MRE11: variants seen among roughly 807,000 people sequenced by gnomAD.
The protein encoded by MRE11 is double-strand break repair protein MRE11.
In MRE11, 62 loss-of-function variants were observed where a neutral mutation model predicts 91.7. The ratio of observed to expected loss-of-function variants is 0.68; its 90% confidence interval spans 0.55 to 0.84. MRE11 has a LOEUF of 0.84. Ranked by LOEUF, MRE11 falls within the 40% of genes least tolerant of loss-of-function variation. The pLI, the probability that MRE11 is intolerant of heterozygous loss-of-function variation, is 0.00. For synonymous variants in MRE11, 273 were observed against 271.4 expected, an observed-to-expected ratio of 1.01 and a Z score of -0.06; for missense variants, 796 against 852.9, an observed-to-expected ratio of 0.93 and a Z score of 0.83.
upstream of MRE11, chr11:94,498,604 A>C: frequency 7.6e-7 from 1 of 1,308,988 alleles, no homozygotes; most frequent in Non-Finnish European, 1.1e-6. Flanking sequence ...CCATAATCAA[A>C]GTTGACGTCA....
chr11:94,489,030 G>C (rs1455070397), intron 3 of MRE11, among the ~76,000 whole-genome samples: 1 of 151,952 alleles, frequency 6.6e-6, no homozygotes, highest in African/African-American at 2.4e-5. Flanking sequence ...TAAGCACTAA[G>C]ATACAGCATG....
chr11:94,509,335 A>AT, the MRE11 span, among the ~76,000 whole-genome samples: 5 of 151,830 alleles, frequency 3.3e-5, no homozygotes, highest in East Asian at 5.8e-4. Flanking sequence ...TCCATTTTTA[A>AT]TTTTTTTTAC....
chr11:94,485,435 A>G (rs1947115717), intron 4 of MRE11, among the ~76,000 whole-genome samples: 1 of 152,188 alleles, frequency 6.6e-6, no homozygotes, highest in African/African-American at 2.4e-5. Flanking sequence ...TTGATTGGGA[A>G]AAAATATATG....
chr11:94,500,017 A>T, the MRE11 span, among the ~76,000 whole-genome samples: 4 of 152,152 alleles, frequency 2.6e-5, no homozygotes, highest in Non-Finnish European at 4.4e-5. Flanking sequence ...TTATGTTGTG[A>T]TCTCTTCCTA....
intron 16 of MRE11, among the ~76,000 whole-genome samples, chr11:94,442,685 G>A (rs1326177366): frequency 6.6e-6 from 1 of 152,134 alleles, no homozygotes. Context: ...TGCCTACTGT[G>A]CCAGGCTTTT....
chr11:94,507,452 T>C, the MRE11 span, among the ~76,000 whole-genome samples: 1 of 152,200 alleles, frequency 6.6e-6, no homozygotes, highest in Admixed American at 6.5e-5. Flanking sequence ...TACATGGTTT[T>C]GGTGTACATA....
At chr11:94,441,374 G>A (rs1055632591) in intron 16 of MRE11, among the ~76,000 whole-genome samples, 1 of 152,162 alleles carries the variant, frequency 6.6e-6, no homozygotes, top group East Asian at 1.9e-4. Context: ...GACTTGTGGT[G>A]CCCTACAAAC....
chr11:94,450,207 C>G (rs191282786), intron 14 of MRE11, among the ~76,000 whole-genome samples: 18 of 152,284 alleles, frequency 1.2e-4, no homozygotes, highest in Middle Eastern at 3.4e-3. Context: ...TATTGATCAG[C>G]TGACAAAAAC....
intron 19 of MRE11, among the ~76,000 whole-genome samples, chr11:94,427,323 G>C (rs1314836347): frequency 6.6e-6 from 1 of 152,072 alleles, no homozygotes; most frequent in Non-Finnish European, 1.5e-5. Context: ...CACAGAGAAA[G>C]CTTTTGATAA....
chr11:94,420,774 T>C (rs967737774), intron 19 of MRE11, among the ~76,000 whole-genome samples: 1 of 152,178 alleles, frequency 6.6e-6, no homozygotes, highest in South Asian at 2.1e-4. Context: ...GGCTCACGCC[T>C]GTAATCCCAG....
intron 9 of MRE11, among the ~76,000 whole-genome samples, chr11:94,468,730 A>G (rs1283280854): frequency 6.6e-6 from 1 of 152,224 alleles, no homozygotes; most frequent in Non-Finnish European, 1.5e-5. Flanking sequence ...CTATGTGCAT[A>G]TTCAATATGG....
At chr11:94,496,728 C>T, upstream of MRE11, 1 of 1,601,504 alleles carries the variant, frequency 6.2e-7, no homozygotes. Flanking sequence ...GATGGAATAC[C>T]AGACCAAGAG....
At chr11:94,493,872 C>T (rs1195757806), upstream of MRE11, 1 of 152,212 alleles carries the variant, frequency 6.6e-6, no homozygotes, top group Admixed American at 6.5e-5. Context: ...TCATGGATAA[C>T]GTAGATGCTT....
Position 94,417,947 on chromosome 11 carries a change from T to G in MRE11, c.*2178A>C, listed in dbSNP as rs886048749. The G allele has an allele frequency of 4.5e-4, 105 of 232,966 alleles. No homozygotes were observed. The highest frequency in any genetic ancestry group is 2.0e-3 in the African/African-American group (92 of 45,336). The allele number at this position is 232,966 out of a possible 1,614,324, so 14.4% of individuals were successfully genotyped here. ...AGGAAATAAAACACCAGAAAGACACTTATTCTTTGGTAAGTAACAGAAGAA... is the reference window on the plus strand; with the variant it reads ...AGGAAATAAAACACCAGAAAGACACGTATTCTTTGGTAAGTAACAGAAGAA... On this transcript the variant is annotated 3_prime_UTR_variant, in exon 20 of 20. Coordinates refer to ENST00000323929, the MANE Select transcript of MRE11 (RefSeq NM_005591.4).
At chr11:94,441,418 A>T (rs1945775125) in intron 16 of MRE11, among the ~76,000 whole-genome samples, 1 of 152,236 alleles carries the variant, frequency 6.6e-6, no homozygotes, top group African/African-American at 2.4e-5. Flanking sequence ...CTCTGAAGGA[A>T]GATGGCTTCA....
chr11:94,479,689 A>G lies in MRE11; in HGVS notation c.387T>C (p.His129=). The part of the protein sequence containing the change: ...SIPVFSIHGN[H]DDPTGADALC... ...CAATAATTACCCCTGTGGGATCGTC[A>G]TGATTGCCATGAATACTAAACACTG... The change falls in exon 5 of 20, where the codon CAT becomes CAC. Residue 129 remains histidine, a synonymous_variant. Transcript: ENST00000323929. The G allele has an allele frequency of 1.9e-6, 3 of 1,612,898 alleles. No individual in the cohort carries two copies. Among genetic ancestry groups the G allele is most frequent in the Non-Finnish European group, 2.5e-6 (3 of 1,179,456 alleles).
rs116276441 is a variant in MRE11 at position 94,486,740 on chromosome 11, C to G, written c.154-656G>C. Among the ~76,000 whole-genome samples, 462 of 152,178 alleles carry G rather than the reference C, an allele frequency of 3.0e-3. 2 individuals are homozygous for G. The highest frequency in any genetic ancestry group is 0.011 in the African/African-American group (443 of 41,504). ...AATTTGAACTCAAGGGAGGACAATT[C>G]GCCTGAGGACAGAAAGTCTAGAAGG... On this transcript the variant is annotated intron_variant, in intron 3 of 19. Transcript: ENST00000323929.
In MRE11 at chr11:94,420,234, C is replaced by A. The variant is rs13447742; in HGVS notation, c.2071-53G>T. On this transcript the variant is annotated intron_variant, in intron 19 of 19. Transcript: ENST00000323929. Reference sequence around the variant, plus strand: ...GTGATTGTTCCCTGCTTCACTGAAACAAGACAGAAGTTCTTATGGGCAAAA... The same window carrying A: ...GTGATTGTTCCCTGCTTCACTGAAAAAAGACAGAAGTTCTTATGGGCAAAA... The A allele has an allele frequency of 1.0e-3, 1,499 of 1,452,994 alleles. 24 individuals carry two copies. The African/African-American group carries it at 0.018, about 18-fold the overall frequency. 90.0% of individuals were successfully genotyped at this position (1,452,994 alleles called of 1,614,324 possible). A position where few individuals can be genotyped will look rare whatever the true frequency, so the allele number is the denominator to read the frequency against.
chr11:94,471,837 T>C, intron 7 of MRE11, 78 bp from the exon 8 acceptor site: 2 of 1,160,512 alleles, frequency 1.7e-6, no homozygotes, highest in Non-Finnish European at 2.5e-6. Context: ...AGATCTTTCT[T>C]TCTCCATTCA....
Sources: gnomAD v4.1 joint callset for allele counts (sites outside exome capture counted in the v4.1 genomes callset) on GRCh38, gnomAD v4.1.1 for gene constraint, MANE v1.5 for transcripts, NCBI Gene and HGNC (gene_info 2026-07-23, HGNC 2026-07-21) for gene names.